Variants in DCAF8L2 observed in about 807,000 individuals in gnomAD.
DCAF8L2 encodes the protein DDB1- and CUL4-associated factor 8-like protein 2.
For synonymous variants in DCAF8L2, 200 were observed against 190.9 expected (o/e 1.05, Z -0.39); for missense variants, 430 against 490.7 (o/e 0.88, Z 1.17).
At chrX:27,485,924 C>CTT in the DCAF8L2 span, among the ~76,000 whole-genome samples, 1,203 of 58,788 alleles carry the variant, frequency 0.02, 17 homozygotes, top group South Asian at 0.061. Context: ...TTCTTTTTCT[C>CTT]TTTTTTTTTT....
At chrX:27,556,261 C>T in the DCAF8L2 span, among the ~76,000 whole-genome samples, 2 of 111,198 alleles carry the variant, frequency 1.8e-5, no homozygotes, top group Non-Finnish European at 3.8e-5. Flanking sequence ...ATCAGTTTCT[C>T]TGGGCCCCAG....
chrX:27,617,201 G>C, intron 1 of DCAF8L2, among the ~76,000 whole-genome samples: 1 of 111,113 alleles, frequency 9.0e-6, no homozygotes, highest in East Asian at 2.8e-4. Context: ...GAGTTCCTCT[G>C]TTACTTAGTT....
At chrX:27,499,037 G>A in the DCAF8L2 span, among the ~76,000 whole-genome samples, 133 of 112,455 alleles carry the variant, frequency 1.2e-3, 1 homozygote, top group South Asian at 0.047. Flanking sequence ...GAACATAGGA[G>A]TGCAGAAATC....
the DCAF8L2 span, among the ~76,000 whole-genome samples, chrX:27,524,166 T>C: frequency 5.4e-5 from 6 of 111,759 alleles, no homozygotes; most frequent in African/African-American, 2.0e-4. Flanking sequence ...TCCTGGACTT[T>C]TTTTGGTTGG....
At chrX:27,642,461 T>A (rs1328448734) in intron 2 of DCAF8L2, among the ~76,000 whole-genome samples, 1 of 111,336 alleles carries the variant, frequency 9.0e-6, no homozygotes, top group Non-Finnish European at 1.9e-5. Flanking sequence ...TTCTTTCAGA[T>A]AATTCTTTCC....
intron 2 of DCAF8L2, among the ~76,000 whole-genome samples, chrX:27,654,470 T>G (rs1929274361): frequency 1.8e-5 from 2 of 112,158 alleles, no homozygotes; most frequent in African/African-American, 6.5e-5. Context: ...ATTTCTTCAT[T>G]AAATGAAAAT....
the DCAF8L2 span, among the ~76,000 whole-genome samples, chrX:27,484,511 C>T: frequency 1.1e-4 from 12 of 110,886 alleles, no homozygotes; most frequent in Admixed American, 3.9e-4. Flanking sequence ...ACTAATATTT[C>T]TAAATTGCTA....
At chrX:27,491,648 A>G in the DCAF8L2 span, among the ~76,000 whole-genome samples, 4 of 112,212 alleles carry the variant, frequency 3.6e-5, no homozygotes, top group African/African-American at 9.7e-5. Context: ...CGAAACTGCA[A>G]ATCTCTTTGA....
intron 4 of DCAF8L2, among the ~76,000 whole-genome samples, chrX:27,720,149 C>T (rs1192131574): frequency 9.1e-6 from 1 of 110,273 alleles, no homozygotes; most frequent in Admixed American, 9.7e-5. Context: ...GTATATTTCC[C>T]CTATTGGAAT....
chrX:27,566,276 G>A, the DCAF8L2 span, among the ~76,000 whole-genome samples: 6 of 111,423 alleles, frequency 5.4e-5, no homozygotes, highest in Non-Finnish European at 1.1e-4. Context: ...TGCAGCTTGA[G>A]TTTTCAGGCT....
intron 1 of DCAF8L2, among the ~76,000 whole-genome samples, chrX:27,591,663 A>G (rs1476212673): frequency 8.9e-6 from 1 of 111,871 alleles, no homozygotes; most frequent in Non-Finnish European, 1.9e-5. Flanking sequence ...TATATCTGGA[A>G]AGCAGAGCAT....
chrX:27,473,968 A>G, the DCAF8L2 span, among the ~76,000 whole-genome samples: 1 of 111,140 alleles, frequency 9.0e-6, no homozygotes, highest in Admixed American at 9.6e-5. Flanking sequence ...GGAAAGCAAA[A>G]AAAAATGATA....
At chrX:27,578,115 A>G in the DCAF8L2 span, among the ~76,000 whole-genome samples, 3 of 111,737 alleles carry the variant, frequency 2.7e-5, no homozygotes, top group African/African-American at 9.8e-5. Flanking sequence ...AGCAAACAGA[A>G]CAAAACTGGA....
At chrX:27,501,016 A>G in the DCAF8L2 span, among the ~76,000 whole-genome samples, 1 of 111,392 alleles carries the variant, frequency 9.0e-6, no homozygotes, top group African/African-American at 3.3e-5. Flanking sequence ...CTCTATCTCT[A>G]CTGCATCTCC....
chrX:27,622,113 T>G (rs1432863705), intron 1 of DCAF8L2, among the ~76,000 whole-genome samples: 1 of 111,347 alleles, frequency 9.0e-6, no homozygotes, highest in African/African-American at 3.3e-5. Flanking sequence ...TCAGAAATTC[T>G]ACTTTTACAT....
intron 2 of DCAF8L2, among the ~76,000 whole-genome samples, chrX:27,660,854 C>T (rs111389249): frequency 4.5e-5 from 5 of 112,332 alleles, no homozygotes; most frequent in African/African-American, 1.6e-4. Flanking sequence ...CATTCTCCTT[C>T]CTGGGGTGTA....
chrX:27,547,999 T>A, the DCAF8L2 span, among the ~76,000 whole-genome samples: 370 of 108,564 alleles, frequency 3.4e-3, 1 homozygote, highest in African/African-American at 0.011. Flanking sequence ...ATGCCTCCTG[T>A]ACAGCCTGTG....
At chrX:27,609,839 T>A (rs1479029068) in intron 1 of DCAF8L2, among the ~76,000 whole-genome samples, 3 of 111,951 alleles carry the variant, frequency 2.7e-5, no homozygotes, top group African/African-American at 9.7e-5. Context: ...ACTTTAATTA[T>A]GTTGTCTGAT....
chrX:27,714,235 G>A (rs188652138), intron 3 of DCAF8L2, among the ~76,000 whole-genome samples: 17 of 111,562 alleles, frequency 1.5e-4, no homozygotes, highest in East Asian at 8.5e-4. Flanking sequence ...ATTTTTAATG[G>A]TTTCTCAAAT....
Sources: gnomAD v4.1 joint callset for allele counts (sites outside exome capture counted in the v4.1 genomes callset) on GRCh38, gnomAD v4.1.1 for gene constraint, MANE v1.5 for transcripts, NCBI Gene and HGNC (gene_info 2026-07-23, HGNC 2026-07-21) for gene names.